BBS9: variants seen among roughly 807,000 people sequenced by gnomAD.
BBS9 encodes protein PTHB1.
A neutral mutation model predicts 117.7 loss-of-function variants in BBS9; 89 were observed. That is an observed-to-expected ratio of 0.76 (90% confidence interval 0.64 to 0.90). BBS9 has a LOEUF of 0.90. BBS9 is among the 40% of genes least tolerant of loss of function. The pLI is 0.00. For missense variants in BBS9, 982 were observed against 1,042.2 expected, an observed-to-expected ratio of 0.94 and a Z score of 0.80; for synonymous variants, 379 against 370.9, an observed-to-expected ratio of 1.02 and a Z score of -0.25.
At chr7:33,582,107 C>T (rs577047154) in intron 21 of BBS9, among the ~76,000 whole-genome samples, 3 of 152,100 alleles carry the variant, frequency 2.0e-5, no homozygotes, top group African/African-American at 7.2e-5. Flanking sequence ...CTCACCTACC[C>T]CTAGCCCCTC....
rs182364480 is a variant in BBS9 at position 33,617,205 on chromosome 7, A to T, written c.2522-17972A>T. Among the ~76,000 whole-genome samples, 66 of 152,278 alleles carry T rather than the reference A, an allele frequency of 4.3e-4. No individual in the cohort carries two copies. In the East Asian group the frequency reaches 0.013, roughly 29 times the overall value. On this transcript the variant is annotated intron_variant, in intron 21 of 21. Transcript: ENST00000671952. ...AAAGATACATTGTCTTAATGAATCA[A>T]AAAACAAGACCCAACTATATCTTGT...
At position 33,152,826 on chromosome 7, in the gene BBS9, C is replaced by G; in HGVS notation, c.238C>G (p.Gln80Glu). The change falls in exon 3 of 23, where the codon CAA becomes GAA. Residue 80 changes from glutamine to glutamate, a missense_variant. Physicochemically the swap from Gln to Glu is conservative, Grantham distance 29. Transcript: ENST00000242067. ...LEVDLRDPVL[Q>E]VEVGKFVSGT... is the part of the protein sequence containing the mutation. ...AGTGGATCTACGAGATCCAGTACTT[C>G]AAGTGGAAGTAGGAAAGTTTGTTTC... 3 of 1,613,976 alleles carry G rather than the reference C, an allele frequency of 1.9e-6. No individual in the cohort carries two copies. The highest frequency in any genetic ancestry group is 2.5e-6 in the Non-Finnish European group (3 of 1,179,948).
intron 21 of BBS9, among the ~76,000 whole-genome samples, chr7:33,582,774 A>T (rs1031347): frequency 3.3e-5 from 5 of 151,922 alleles, no homozygotes; most frequent in East Asian, 1.9e-4. Flanking sequence ...GGGTGATGAA[A>T]GACTTTTCTT....
At chr7:33,273,707 A>G in intron 8 of BBS9, 120 bp from the exon 9 acceptor site, 1 of 888,364 alleles carries the variant, frequency 1.1e-6, no homozygotes, top group East Asian at 2.6e-5. Flanking sequence ...ATTATGTAAA[A>G]TCTTTATGTA....
chr7:33,528,996 A>G (rs1311063735), intron 20 of BBS9, among the ~76,000 whole-genome samples: 1 of 152,212 alleles, frequency 6.6e-6, no homozygotes, highest in Non-Finnish European at 1.5e-5. Context: ...GGAGACTAGC[A>G]GGGTAGTAAA....
intron 19 of BBS9, among the ~76,000 whole-genome samples, chr7:33,389,790 G>A (rs1459213223): frequency 6.6e-6 from 1 of 151,896 alleles, no homozygotes; most frequent in Non-Finnish European, 1.5e-5. Flanking sequence ...AAAGAACACT[G>A]GGCTTGGAAT....
chr7:33,317,008 TTAG>T (rs879398408), intron 9 of BBS9, among the ~76,000 whole-genome samples: 4 of 152,228 alleles, frequency 2.6e-5, no homozygotes, highest in Non-Finnish European at 5.9e-5. Context: ...TAGCTCTTTT[TTAG>T]GTCTGTGATC....
intron 9 of BBS9, among the ~76,000 whole-genome samples, chr7:33,304,838 A>G (rs375270795): frequency 3.5e-4 from 53 of 152,160 alleles, no homozygotes; most frequent in African/African-American, 1.1e-3. Flanking sequence ...CCTTACCCCC[A>G]ACCCCGTGCT....
intron 4 of BBS9, among the ~76,000 whole-genome samples, chr7:33,161,619 C>A (rs970329370): frequency 1.3e-5 from 2 of 152,098 alleles, no homozygotes; most frequent in African/African-American, 4.8e-5. Flanking sequence ...GATTTATAAT[C>A]CTTTGGGTGT....
chr7:33,597,069 TCACACACACACACACACA>T (rs58511454), intron 21 of BBS9, among the ~76,000 whole-genome samples: 152 of 138,940 alleles, frequency 1.1e-3, no homozygotes, highest in African/African-American at 3.7e-3. Context: ...TCTCTCTCTG[TCACACACACACACACACA>T]CACACACACA....
intron 5 of BBS9, among the ~76,000 whole-genome samples, chr7:33,207,136 G>A (rs921116022): frequency 6.6e-6 from 1 of 152,130 alleles, no homozygotes; most frequent in Non-Finnish European, 1.5e-5. Context: ...CTTGTTACCT[G>A]AATTCTCCAC....
intron 19 of BBS9, among the ~76,000 whole-genome samples, chr7:33,482,378 C>T (rs1232092374): frequency 6.6e-6 from 1 of 152,032 alleles, no homozygotes; most frequent in Non-Finnish European, 1.5e-5. Flanking sequence ...CAACTCTTCT[C>T]TTATTTTTTA....
In BBS9 at chr7:33,527,311, G is replaced by T. The variant is rs180754765; in HGVS notation, c.2299-6643G>T. ...CTTCCTGGCTGCTTTGTTTACCTAA[G>T]CAAGCCTGGGCAATGGTGGGCGCCC... On this transcript the variant is annotated intron_variant, in intron 20 of 22. Coordinates refer to ENST00000242067, the MANE Select transcript of BBS9 (RefSeq NM_198428.3). Among the ~76,000 whole-genome samples, 488 of 152,276 alleles carry T rather than the reference G, an allele frequency of 3.2e-3. 3 individuals carry two copies. Among genetic ancestry groups the T allele is most frequent in the East Asian group, 0.027 (141 of 5,154 alleles).
At chr7:33,156,383 T>A in intron 4 of BBS9, among the ~76,000 whole-genome samples, 1 of 152,194 alleles carries the variant, frequency 6.6e-6, no homozygotes, top group East Asian at 1.9e-4. Context: ...GCATTTTTTT[T>A]ATGGGTATGA....
intron 16 of BBS9, among the ~76,000 whole-genome samples, chr7:33,363,809 C>A (rs1031837149): frequency 6.6e-6 from 1 of 150,758 alleles, no homozygotes; most frequent in Non-Finnish European, 1.5e-5. Context: ...ACATTCTTAT[C>A]GTTTTCTTCT....
chr7:33,530,656 T>C (rs1326266046), intron 20 of BBS9, among the ~76,000 whole-genome samples: 1 of 152,216 alleles, frequency 6.6e-6, no homozygotes, highest in South Asian at 2.1e-4. Context: ...GATATTAGTC[T>C]AGTTTAGATT....
At chr7:33,129,305 C>G (rs984022277), upstream of BBS9, 1 of 547,064 alleles carries the variant, frequency 1.8e-6, no homozygotes, top group Non-Finnish European at 3.2e-6. Flanking sequence ...GGCCTGCCCC[C>G]GGAGCCCAGG....
In BBS9 at chr7:33,137,764, G is replaced by A. The variant is rs181360787; in HGVS notation, c.-12+7723G>A. On this transcript the variant is annotated intron_variant, in intron 1 of 22. Transcript: ENST00000242067. ...TATTGTTCATTAATTCTTTAAAGAT[G>A]TAAGTCCTTATTGTTCAATAAATTA... Among the ~76,000 whole-genome samples the A allele has an allele frequency of 1.5e-4, 23 of 152,288 alleles. No individual in the cohort carries two copies. In the East Asian group the frequency reaches 4.4e-3, roughly 29 times the overall value.
chr7:33,136,195 A>G (rs1218263617), intron 1 of BBS9, among the ~76,000 whole-genome samples: 1 of 152,322 alleles, frequency 6.6e-6, no homozygotes, highest in Middle Eastern at 3.4e-3. Flanking sequence ...GGATATTTGT[A>G]TATTTATTTT....
Sources: allele counts gnomAD v4.1 joint callset (sites outside exome capture counted in the v4.1 genomes callset), GRCh38; gene constraint gnomAD v4.1.1; transcripts MANE v1.5; gene names NCBI Gene and HGNC (gene_info 2026-07-23, HGNC 2026-07-21).